The following SIX4 variants were observed in gnomAD, a reference collection of about 807,000 sequenced individuals.
SIX4 encodes SIX homeobox 4, also known as homeobox protein SIX4.
SIX4 carries 23 observed loss-of-function variants against 51.5 expected under a neutral mutation model. The observed-to-expected ratio is 0.45, with a 90% CI of 0.32 to 0.63. SIX4 has a LOEUF of 0.63. SIX4 is among the 30% of genes least tolerant of loss of function. SIX4 has a pLI of 0.04. For missense variants in SIX4, 867 were observed against 984.0 expected (o/e 0.88, Z 1.59); for synonymous variants, 413 against 417.3 (o/e 0.99, Z 0.13).
At position 60,713,449 on chromosome 14, in the gene SIX4, C is replaced by G. The variant is rs1159318152; in HGVS notation, c.2304G>C (p.Lys768Asn). ...CTTCATCCAGCTGGACAGTCTGGAG[C>G]TTGGCAAGCTCTTTTTTGTCTGTTT... ...DLETDKKELA[K>N]LQTVQLDEDM... is the part of the protein sequence containing the mutation. Residue 768 changes from lysine (K) to asparagine (N), a missense_variant, in exon 3 of 3, where the codon AAG (lysine) becomes AAC (asparagine). By Grantham distance (94) the Lys-to-Asn change is moderately conservative. Coordinates refer to ENST00000216513, the MANE Select transcript of SIX4 (RefSeq NM_017420.5). 1 of 1,613,598 alleles carries G rather than the reference C, an allele frequency of 6.2e-7. No homozygotes were observed.
Position 60,714,044 on chromosome 14 carries a change from T to C in SIX4, c.1709A>G (p.Glu570Gly). 1 of 1,614,120 alleles carries C rather than the reference T, an allele frequency of 6.2e-7. No individual in the cohort carries two copies. The part of the protein sequence containing the change: ...TGQTIGSVKQ[E>G]GLERSLVFSQ... ...AAATACCAGGCTCCTTTCCAAGCCTTCCTGTTTCACAGATCCTATAGTCTG... is the reference window on the plus strand; with the variant it reads ...AAATACCAGGCTCCTTTCCAAGCCTCCCTGTTTCACAGATCCTATAGTCTG... The change falls in exon 3 of 3, where the codon GAA becomes GGA. Residue 570 changes from glutamate to glycine, a missense_variant. By Grantham distance (98) the Glu-to-Gly change is moderately conservative. Coordinates refer to ENST00000216513, the MANE Select transcript of SIX4 (RefSeq NM_017420.5).
rs1555369321 is a variant in SIX4 at position 60,711,011 on chromosome 14, T to TTTTATATA, written c.*2395_*2396insTATATAAA. The TTTTATATA allele has an allele frequency of 1.8e-4, 27 of 146,484 alleles. No individual in the cohort carries two copies. The highest frequency in any genetic ancestry group is 2.7e-4 in the Admixed American group (4 of 14,604). The allele number at this position is 146,484 out of a possible 1,614,324, so 9.1% of individuals were successfully genotyped here. On this transcript the variant is annotated 3_prime_UTR_variant, in exon 3 of 3. Coordinates refer to ENST00000216513, the MANE Select transcript of SIX4 (RefSeq NM_017420.5). ...CGGAAAACATATAAAACATTTCCAG[T>TTTTATATA]TATATATATATATATAGCATATATA...
chr14:60,720,150 G>A lies in SIX4; in HGVS notation c.1159C>T (p.Gln387Ter). Reference protein sequence around the residue: ...ILNGLNVGNTQAVALNPPKMS... With the variant: ...ILNGLNVGNT ...TTTGGTGGGTTCAATGCCACTGCCT[G>A]TGTATTTCCCACATTTAATCCATTA... Residue 387 changes from glutamine (Q) to a stop codon, truncating the protein, a stop_gained, in exon 2 of 3, where the codon CAG (glutamine) becomes TAG (stop). Transcript: ENST00000216513. LOFTEE classifies it high-confidence loss of function. The surrounding 1 kb of genome is among the most constrained non-coding windows in gnomAD (Gnocchi z 5.5). The A allele has an allele frequency of 6.2e-7, 1 of 1,614,208 alleles. No individual in the cohort carries two copies. Among genetic ancestry groups the A allele is most frequent in the Non-Finnish European group, 8.5e-7 (1 of 1,180,046 alleles).
chr14:60,716,201 C>A (rs1895917994), intron 2 of SIX4, among the ~76,000 whole-genome samples: 1 of 151,228 alleles, frequency 6.6e-6, no homozygotes, highest in Non-Finnish European at 1.5e-5. Context: ...CCCACTTCAG[C>A]CTCCCAAGTA....
Position 60,722,529 on chromosome 14 carries a change from A to G in SIX4, c.863+683T>C, listed in dbSNP as rs1896041562. ...AGAATCAGGTTTCAAAACATGACAG[A>G]GCCGAGCTGCACCAGCACCCCACGT... On this transcript the variant is annotated intron_variant, in intron 1 of 2. Coordinates refer to ENST00000216513, the MANE Select transcript of SIX4 (RefSeq NM_017420.5). The surrounding 1 kb of genome is among the most constrained non-coding windows in gnomAD (Gnocchi z 5.9). Among the ~76,000 whole-genome samples the G allele has an allele frequency of 6.6e-6, 1 of 152,124 alleles. No homozygotes were observed. The highest frequency in any genetic ancestry group is 1.5e-5 in the Non-Finnish European group (1 of 68,026).
At position 60,724,298 on chromosome 14, in the gene SIX4, T is replaced by C; in HGVS notation, c.-224A>G. On this transcript the variant is annotated 5_prime_UTR_variant, in exon 1 of 3. Coordinates refer to ENST00000216513, the MANE Select transcript of SIX4 (RefSeq NM_017420.5). The stretch of plus-strand genomic sequence containing the variant: ...GAGCAAAGTAGTGTAAACGGATAGC[T>C]GCTTTCTGCCGTTCCCCCAACGTGA... 3 of 1,520,764 alleles carry C rather than the reference T, an allele frequency of 2.0e-6. No individual in the cohort carries two copies. The highest frequency in any genetic ancestry group is 2.6e-6 in the Non-Finnish European group (3 of 1,137,348). 94.2% of individuals were successfully genotyped at this position (1,520,764 alleles called of 1,614,324 possible).
chr14:60,714,025 C>T lies in SIX4; in HGVS notation c.1728G>A (p.Leu576=). ...SVKQEGLERS[L]VFSQLMPVNQ... Reference sequence around the variant, plus strand: ...TGACAGGCATCAACTGAGAAAATACCAGGCTCCTTTCCAAGCCTTCCTGTT... The same window carrying T: ...TGACAGGCATCAACTGAGAAAATACTAGGCTCCTTTCCAAGCCTTCCTGTT... The change falls in exon 3 of 3, where the codon CTG becomes CTA. Residue 576 remains leucine (L), a synonymous_variant. Coordinates refer to ENST00000216513, the MANE Select transcript of SIX4 (RefSeq NM_017420.5). The T allele has an allele frequency of 1.9e-6, 3 of 1,614,016 alleles. No homozygotes were observed. Among genetic ancestry groups the T allele is most frequent in the African/African-American group, 2.7e-5 (2 of 75,004 alleles).
rs1197055238 is a variant in SIX4 at position 60,712,857 on chromosome 14, G to A, written c.*550C>T. On this transcript the variant is annotated 3_prime_UTR_variant, in exon 3 of 3. Transcript: ENST00000216513. ...GCTATTAGAAATCACATTTGGAAAT[G>A]TGTTGAGACAAATGTGTTTGAGACC... is the stretch of plus-strand genomic sequence containing the variant. The A allele has an allele frequency of 6.6e-6, 1 of 152,658 alleles. No homozygotes were observed. The highest frequency in any genetic ancestry group is 2.1e-4 in the South Asian group (1 of 4,824). 9.5% of individuals were successfully genotyped at this position (152,658 alleles called of 1,614,324 possible). A position where few individuals can be genotyped will look rare whatever the true frequency, so the allele number is the denominator to read the frequency against.
In SIX4 at chr14:60,723,321, C is replaced by T; in HGVS notation, c.754G>A (p.Glu252Lys). Reference protein sequence around the residue: ...YKQNRYPSPAEKRHLAKITGL... With the variant: ...YKQNRYPSPAKKRHLAKITGL... The stretch of plus-strand genomic sequence containing the variant: ...GTGATCTTGGCCAGGTGCCGCTTCT[C>T]GGCGGGCGAAGGGTAGCGATTCTGC... The change falls in exon 1 of 3, where the codon GAG becomes AAG. Residue 252 changes from glutamate (E) to lysine (K), a missense_variant. Physicochemically the swap from Glu to Lys is moderately conservative, Grantham distance 56. Coordinates refer to ENST00000216513, the MANE Select transcript of SIX4 (RefSeq NM_017420.5). 1 of 1,612,764 alleles carries T rather than the reference C, an allele frequency of 6.2e-7. No individual in the cohort carries two copies. Among genetic ancestry groups the T allele is most frequent in the Non-Finnish European group, 8.5e-7 (1 of 1,179,954 alleles).
Position 60,723,253 on chromosome 14 carries a change from G to A in SIX4, c.822C>T (p.Arg274=), listed in dbSNP as rs959073972. ...LTQVSNWFKN[R]RQRDRNPSET... is the part of the protein sequence containing the mutation. ...CGGAGGGGTTCCTGTCGCGCTGCCGGCGGTTCTTGAACCAGTTGCTGACCT... is the reference window on the plus strand; with the variant it reads ...CGGAGGGGTTCCTGTCGCGCTGCCGACGGTTCTTGAACCAGTTGCTGACCT... Residue 274 remains arginine (R), a synonymous_variant, in exon 1 of 3, where the codon CGC becomes CGT. Transcript: ENST00000216513. 5 of 1,611,098 alleles carry A rather than the reference G, an allele frequency of 3.1e-6. No homozygotes were observed. The highest frequency in any genetic ancestry group is 1.6e-4 in the Middle Eastern group (1 of 6,074).
chr14:60,719,630 C>T lies in SIX4; in HGVS notation c.1549+130G>A. 3.3e-6 allele frequency: 3 copies of T among 916,172 alleles called. No homozygotes were observed. The highest frequency in any genetic ancestry group is 4.8e-6 in the Non-Finnish European group (3 of 619,262). The allele number at this position is 916,172 out of a possible 1,614,324, so 56.8% of individuals were successfully genotyped here. On this transcript the variant is annotated intron_variant, in intron 2 of 2. Transcript: ENST00000216513. This position sits in a 1 kb window ranked among gnomAD's most constrained non-coding sequence, Gnocchi z 4.9. ...AAAGAGGAGAATCACATCAAGGCTA[C>T]TCTACAGCTTCGGCAGCTAATAAGG...
Position 60,717,342 on chromosome 14 carries a change from G to C in SIX4, c.1549+2418C>G, listed in dbSNP as rs996008863. On this transcript the variant is annotated intron_variant, in intron 2 of 2. Coordinates refer to ENST00000216513, the MANE Select transcript of SIX4 (RefSeq NM_017420.5). This position sits in a 1 kb window ranked among gnomAD's most constrained non-coding sequence, Gnocchi z 4.6. Reference sequence around the variant, plus strand: ...CCGCCTTAGCCTCCTAAAGTGCTGGGATTAACAGGCGTAAGCCACTGTGCC... The same window carrying C: ...CCGCCTTAGCCTCCTAAAGTGCTGGCATTAACAGGCGTAAGCCACTGTGCC... 2.0e-5 allele frequency among the ~76,000 whole-genome samples: 3 copies of C among 152,210 alleles called. No individual in the cohort carries two copies. The highest frequency in any genetic ancestry group is 7.2e-5 in the African/African-American group (3 of 41,464).
Position 60,719,964 on chromosome 14 carries a change from G to A in SIX4, c.1345C>T (p.Pro449Ser), listed in dbSNP as rs779197948. Reference sequence around the variant, plus strand: ...CCTTCTCTTTTCACCTCAGTGCTGGGTATCAGGCCTGGGAATGAGACAGGG... The same window carrying A: ...CCTTCTCTTTTCACCTCAGTGCTGGATATCAGGCCTGGGAATGAGACAGGG... The part of the protein sequence containing the change: ...SVPVSFPGLI[P>S]STEVKREGIQ... Residue 449 changes from proline to serine, a missense_variant, in exon 2 of 3, where the codon CCC (proline) becomes TCC (serine). Transcript: ENST00000216513. This position sits in a 1 kb window ranked among gnomAD's most constrained non-coding sequence, Gnocchi z 4.9. The A allele has an allele frequency of 1.5e-5, 24 of 1,614,068 alleles. No individual in the cohort carries two copies. The highest frequency in any genetic ancestry group is 1.9e-5 in the Non-Finnish European group (23 of 1,180,036).
rs543472349 is a variant in SIX4 at position 60,711,086 on chromosome 14, A to G, written c.*2321T>C. Reference sequence around the variant, plus strand: ...GTTGGATGGGTATTTGAAAATAACAAACTCTTGATATCTGCAGCAATCAAG... The same window carrying G: ...GTTGGATGGGTATTTGAAAATAACAGACTCTTGATATCTGCAGCAATCAAG... On this transcript the variant is annotated 3_prime_UTR_variant, in exon 3 of 3. Coordinates refer to ENST00000216513, the MANE Select transcript of SIX4 (RefSeq NM_017420.5). The G allele has an allele frequency of 4.6e-5, 7 of 152,332 alleles. No individual in the cohort carries two copies. The highest frequency in any genetic ancestry group is 1.7e-4 in the African/African-American group (7 of 41,508). 9.4% of individuals were successfully genotyped at this position (152,332 alleles called of 1,614,324 possible). A position where few individuals can be genotyped will look rare whatever the true frequency, so the allele number is the denominator to read the frequency against.
In SIX4 at chr14:60,720,380, T is replaced by C. The variant is rs1215445010; in HGVS notation, c.929A>G (p.His310Arg). ...GCCATCAGATGAACTGGAGAGTGGG[T>C]GAGGAGATAAATCCTCATGTCCCTT... Reference protein sequence around the residue: ...SSKGHEDLSPHPLSSSSDGIT... With the variant: ...SSKGHEDLSPRPLSSSSDGIT... The change falls in exon 2 of 3, where the codon CAC becomes CGC. Residue 310 changes from histidine to arginine, a missense_variant. His to Arg is a conservative substitution (Grantham distance 29). Coordinates refer to ENST00000216513, the MANE Select transcript of SIX4 (RefSeq NM_017420.5). This position sits in a 1 kb window ranked among gnomAD's most constrained non-coding sequence, Gnocchi z 5.5. The C allele has an allele frequency of 6.2e-7, 1 of 1,614,166 alleles. No individual in the cohort carries two copies. The highest frequency in any genetic ancestry group is 8.5e-7 in the Non-Finnish European group (1 of 1,180,030).
chr14:60,722,275 C>A lies in SIX4; in HGVS notation c.863+937G>T, dbSNP rs1896035748. ...AGGACGCACAAAAGAGGTGGAAAAT[C>A]CGGTATTTTTTTTACCAGAGGGGGA... On this transcript the variant is annotated intron_variant, in intron 1 of 2. Transcript: ENST00000216513. The surrounding 1 kb of genome is among the most constrained non-coding windows in gnomAD (Gnocchi z 5.9). Among the ~76,000 whole-genome samples the A allele has an allele frequency of 6.6e-6, 1 of 152,158 alleles. No homozygotes were observed. Among genetic ancestry groups the A allele is most frequent in the Non-Finnish European group, 1.5e-5 (1 of 68,028 alleles).
intron 1 of SIX4, among the ~76,000 whole-genome samples, chr14:60,721,529 C>T (rs934023658): frequency 1.3e-5 from 2 of 152,048 alleles, no homozygotes; most frequent in African/African-American, 4.8e-5. Flanking sequence ...GCCGCCGTCG[C>T]CGTCTGCGAG....
rs1456601169 is a variant in SIX4 at position 60,711,420 on chromosome 14, C to T, written c.*1987G>A. The T allele has an allele frequency of 3.9e-5, 6 of 152,036 alleles. No homozygotes were observed. The highest frequency in any genetic ancestry group is 3.9e-4 in the Admixed American group (6 of 15,280). The allele number at this position is 152,036 out of a possible 1,614,324, so 9.4% of individuals were successfully genotyped here. A position where few individuals can be genotyped will look rare whatever the true frequency, so the allele number is the denominator to read the frequency against. On this transcript the variant is annotated 3_prime_UTR_variant, in exon 3 of 3. Transcript: ENST00000216513. Reference sequence around the variant, plus strand: ...TAACAAAAGTTAAATCCTCTATGTCCCTTATTCAACATGCTTGATTGATTG... The same window carrying T: ...TAACAAAAGTTAAATCCTCTATGTCTCTTATTCAACATGCTTGATTGATTG...
At position 60,724,129 on chromosome 14, in the gene SIX4, C is replaced by A; in HGVS notation, c.-55G>T. Reference sequence around the variant, plus strand: ...ACTCCCTCGCACTCTTTTCCTCTTTCTTTCCTCCTCTCTTACTCCTCCTCC... The same window carrying A: ...ACTCCCTCGCACTCTTTTCCTCTTTATTTCCTCCTCTCTTACTCCTCCTCC... On this transcript the variant is annotated 5_prime_UTR_variant, in exon 1 of 3. Coordinates refer to ENST00000216513, the MANE Select transcript of SIX4 (RefSeq NM_017420.5). 6.2e-7 allele frequency: 1 copy of A among 1,602,306 alleles called. No individual in the cohort carries two copies. Among genetic ancestry groups the A allele is most frequent in the Non-Finnish European group, 8.5e-7 (1 of 1,174,290 alleles).
Sources: allele counts gnomAD v4.1 joint callset (sites outside exome capture counted in the v4.1 genomes callset), GRCh38; gene constraint gnomAD v4.1.1; non-coding constraint Gnocchi (gnomAD v3.1); transcripts MANE v1.5; gene names NCBI Gene and HGNC (gene_info 2026-07-23, HGNC 2026-07-21).